Variants in PELI2 observed in about 807,000 individuals in gnomAD.
PELI2 encodes the protein pellino E3 ubiquitin protein ligase family member 2, also known as E3 ubiquitin-protein ligase pellino homolog 2.
Under a neutral mutation model 42.3 loss-of-function variants are expected in PELI2, and 23 were observed. That is an observed-to-expected ratio of 0.54 (90% CI 0.39 to 0.77). PELI2 has a LOEUF of 0.77. Among genes scored for constraint, PELI2 ranks in the 30% least tolerant of loss-of-function variants. The probability of loss-of-function intolerance (pLI) is 0.00; values close to 1 mark genes in which losing one functional copy is unlikely to be tolerated. For synonymous variants in PELI2, 245 were observed against 212.2 expected (o/e 1.15, Z -1.34); for missense variants, 463 against 553.2 (o/e 0.84, Z 1.64).
intron 5 of PELI2, among the ~76,000 whole-genome samples, chr14:56,291,236 T>C (rs1889816815): frequency 6.6e-6 from 1 of 152,156 alleles, no homozygotes; most frequent in Admixed American, 6.5e-5. Context: ...TTCTAGAAGC[T>C]AGAAAAGAAG....
At chr14:56,179,955 C>G (rs998563969) in intron 2 of PELI2, among the ~76,000 whole-genome samples, 1 of 152,116 alleles carries the variant, frequency 6.6e-6, no homozygotes, top group African/African-American at 2.4e-5. Context: ...ATTACTCATG[C>G]TTCATGTTGT....
intron 2 of PELI2, among the ~76,000 whole-genome samples, chr14:56,240,978 A>G (rs190084876): frequency 2.5e-4 from 38 of 152,294 alleles, no homozygotes; most frequent in Middle Eastern, 3.4e-3. Context: ...CGAGAAAGCA[A>G]GAACCCATGG....
At chr14:56,254,926 C>T (rs1482234041) in intron 2 of PELI2, among the ~76,000 whole-genome samples, 1 of 152,186 alleles carries the variant, frequency 6.6e-6, no homozygotes, top group Non-Finnish European at 1.5e-5. Flanking sequence ...CAAATCAAAA[C>T]CACAATGAGA....
chr14:56,246,010 C>G (rs898455430), intron 2 of PELI2, among the ~76,000 whole-genome samples: 2 of 152,170 alleles, frequency 1.3e-5, no homozygotes, highest in African/African-American at 4.8e-5. Context: ...ATGACTGTAG[C>G]TACTAAACTA....
At position 56,125,805 on chromosome 14, in the gene PELI2, C is replaced by G. The variant is rs1241970364; in HGVS notation, c.77+7068C>G. 2.0e-5 allele frequency among the ~76,000 whole-genome samples: 3 copies of G among 152,254 alleles called. No homozygotes were observed. The South Asian group carries it at 6.2e-4, about 32-fold the overall frequency. On this transcript the variant is annotated intron_variant, in intron 1 of 5. Coordinates refer to ENST00000267460, the MANE Select transcript of PELI2 (RefSeq NM_021255.3). ...CGTATTGCCCCTTGAGGGTAGGAAC[C>G]TTGACTTCCCCCCTCCTTGGAATGC...
chr14:56,254,768 C>G (rs1888465297), intron 2 of PELI2, among the ~76,000 whole-genome samples: 1 of 152,250 alleles, frequency 6.6e-6, no homozygotes, highest in Non-Finnish European at 1.5e-5. Flanking sequence ...TATCCAGAAT[C>G]TACAAGGAAC....
rs114341905 is a variant in PELI2 at position 56,280,085 on chromosome 14, C to T, written c.309+308C>T. 6.1e-3 allele frequency among the ~76,000 whole-genome samples: 922 copies of T among 152,214 alleles called. 11 individuals carry two copies. The highest frequency in any genetic ancestry group is 0.021 in the African/African-American group (860 of 41,552). ...CATTTTCAGAATACTTTCTAAGTAG[C>T]ATTTGAATGAAAGGGACATCCAAAC... On this transcript the variant is annotated intron_variant, in intron 3 of 5. Coordinates refer to ENST00000267460, the MANE Select transcript of PELI2 (RefSeq NM_021255.3).
chr14:56,133,853 G>A (rs1286451334), intron 1 of PELI2, among the ~76,000 whole-genome samples: 4 of 152,128 alleles, frequency 2.6e-5, no homozygotes, highest in Non-Finnish European at 5.9e-5. Flanking sequence ...GCTGCCATCT[G>A]TCCCAGTACC....
chr14:56,208,450 C>G (rs4898888), intron 2 of PELI2, among the ~76,000 whole-genome samples: 61,268 of 152,056 alleles, frequency 0.4, 13,052 homozygotes, highest in South Asian at 0.53. Flanking sequence ...GAATGGGGGT[C>G]CTGCAATACG....
chr14:56,248,045 G>C (rs548733851), intron 2 of PELI2, among the ~76,000 whole-genome samples: 1 of 152,224 alleles, frequency 6.6e-6, no homozygotes, highest in Non-Finnish European at 1.5e-5. Flanking sequence ...TAGCTGCCAC[G>C]TAACTGGCTC....
chr14:56,282,453 A>G (rs1373291162), intron 3 of PELI2, among the ~76,000 whole-genome samples: 2 of 152,098 alleles, frequency 1.3e-5, no homozygotes, highest in Admixed American at 6.5e-5. Context: ...TGCATTAAAA[A>G]ATCTCCAAAA....
At chr14:56,280,592 GA>G (rs1285913602) in intron 3 of PELI2, among the ~76,000 whole-genome samples, 2 of 151,968 alleles carry the variant, frequency 1.3e-5, no homozygotes, top group East Asian at 3.8e-4. Context: ...AACATCAAAA[GA>G]GTATGATAGA....
chr14:56,178,349 T>TATAA lies in PELI2; in HGVS notation c.93_94insTAAA (p.Pro32Ter), dbSNP rs1400969260. ...TCTGTTTCTAGGTACAATGGTGCTT[T>TATAA]ACCCAATGGAGATAGAGGACGGAGG... On this transcript the variant is annotated stop_gained and frameshift_variant, in exon 2 of 6. Coordinates refer to ENST00000267460, the MANE Select transcript of PELI2 (RefSeq NM_021255.3). LOFTEE classifies it high-confidence loss of function. 1 of 1,614,134 alleles carries TATAA rather than the reference T, an allele frequency of 6.2e-7. No individual in the cohort carries two copies. Among genetic ancestry groups the TATAA allele is most frequent in the South Asian group, 1.1e-5 (1 of 91,084 alleles).
intron 2 of PELI2, among the ~76,000 whole-genome samples, chr14:56,195,274 C>T (rs570714474): frequency 3.3e-5 from 5 of 152,278 alleles, no homozygotes; most frequent in Non-Finnish European, 5.9e-5. Flanking sequence ...CAGTCTCTAC[C>T]CTGTTTACTT....
Position 56,118,634 on chromosome 14 carries a change from G to A in PELI2, c.-27G>A. ...CGCGGCGGAGGCGGCGGCGTCGGCG[G>A]CGGCGTCGGCGGCCGAGCGGGGCTC... On this transcript the variant is annotated 5_prime_UTR_variant, in exon 1 of 6. Transcript: ENST00000267460. 1 of 1,352,236 alleles carries A rather than the reference G, an allele frequency of 7.4e-7. No homozygotes were observed. The highest frequency in any genetic ancestry group is 9.6e-7 in the Non-Finnish European group (1 of 1,039,670). The allele number at this position is 1,352,236 out of a possible 1,614,324, so 83.8% of individuals were successfully genotyped here. A position where few individuals can be genotyped will look rare whatever the true frequency, so the allele number is the denominator to read the frequency against.
chr14:56,228,928 C>G (rs1261944022), intron 2 of PELI2, among the ~76,000 whole-genome samples: 1 of 152,220 alleles, frequency 6.6e-6, no homozygotes, highest in Admixed American at 6.5e-5. Flanking sequence ...ACAGTCTTAG[C>G]AAACAGCACA....
chr14:56,129,820 C>T (rs1409022405), intron 1 of PELI2, among the ~76,000 whole-genome samples: 1 of 152,194 alleles, frequency 6.6e-6, no homozygotes, highest in African/African-American at 2.4e-5. Flanking sequence ...CCAGACCAGC[C>T]CCTCTGAGGG....
intron 2 of PELI2, among the ~76,000 whole-genome samples, chr14:56,238,816 G>A (rs747944695): frequency 6.6e-6 from 1 of 152,148 alleles, no homozygotes; most frequent in Non-Finnish European, 1.5e-5. Flanking sequence ...TTAACCAGGA[G>A]GATTTGTGGG....
chr14:56,278,795 TA>T (rs1332251004), intron 2 of PELI2, among the ~76,000 whole-genome samples: 74 of 152,288 alleles, frequency 4.9e-4, no homozygotes, highest in African/African-American at 1.8e-3. Flanking sequence ...AATAAATGTG[TA>T]ATAGAAAAGC....
Sources: gnomAD v4.1 joint callset for allele counts (sites outside exome capture counted in the v4.1 genomes callset) on GRCh38, gnomAD v4.1.1 for gene constraint, MANE v1.5 for transcripts, NCBI Gene and HGNC (gene_info 2026-07-23, HGNC 2026-07-21) for gene names.